MCMDC2: variants seen among roughly 807,000 people sequenced by gnomAD.
The protein encoded by MCMDC2 is minichromosome maintenance domain-containing protein 2.
MCMDC2 carries 54 observed loss-of-function variants against 75.8 expected under a neutral mutation model. That is an observed-to-expected ratio of 0.71 (90% CI 0.57 to 0.89). The LOEUF (loss-of-function observed/expected upper bound fraction) is 0.89. Ranked by LOEUF, MCMDC2 falls within the 40% of genes least tolerant of loss-of-function variation. The pLI is 0.00. For synonymous variants in MCMDC2, 249 were observed against 274.6 expected (o/e 0.91, Z 0.92); for missense variants, 656 against 780.4 (o/e 0.84, Z 1.90).
rs1585853579 is a variant in MCMDC2 at position 66,878,648 on chromosome 8, C to T, written c.556C>T (p.Leu186=). Residue 186 remains leucine (L), a synonymous_variant, in exon 6 of 15, where the codon CTA becomes TTA. Coordinates refer to ENST00000422365, the MANE Select transcript of MCMDC2 (RefSeq NM_173518.5). ...ATIRNDFLCN[L]CASSLQEDRK... ...GATAAGAAATGACTTTTTGTGTAAT[C>T]TATGTGCATCTTCACTTCAAGAAGA... 6.4e-7 allele frequency: 1 copy of T among 1,571,680 alleles called. No individual in the cohort carries two copies. Among genetic ancestry groups the T allele is most frequent in the Non-Finnish European group, 8.6e-7 (1 of 1,166,088 alleles).
In MCMDC2 at chr8:66,905,227, G is replaced by C. The variant is rs201352762; in HGVS notation, c.1771G>C (p.Val591Leu). 7.1e-7 allele frequency: 1 copy of C among 1,418,312 alleles called. No individual in the cohort carries two copies. The highest frequency in any genetic ancestry group is 1.8e-5 in the South Asian group (1 of 56,536). The allele number at this position is 1,418,312 out of a possible 1,614,324, so 87.9% of individuals were successfully genotyped here. A position where few individuals can be genotyped will look rare whatever the true frequency, so the allele number is the denominator to read the frequency against. ...TTTGGCAACTATTTTCTTTTTTAGCGTTTTCCTATCTGAAGCCCATGCACG... is the reference window on the plus strand; with the variant it reads ...TTTGGCAACTATTTTCTTTTTTAGCCTTTTCCTATCTGAAGCCCATGCACG... ...KLSASALKYL[V>L]FLSEAHARLN... is the part of the protein sequence containing the mutation. The change falls in exon 14 of 15, where the codon GTT (valine) becomes CTT (leucine). Residue 591 changes from valine (V) to leucine (L), a missense_variant and splice_region_variant. Physicochemically the swap from Val to Leu is conservative, Grantham distance 32. Coordinates refer to ENST00000422365, the MANE Select transcript of MCMDC2 (RefSeq NM_173518.5).
intron 11 of MCMDC2, 53 bp from the exon 12 acceptor site, chr8:66,896,726 AT>A: frequency 7.6e-7 from 1 of 1,316,212 alleles, no homozygotes; most frequent in African/African-American, 1.5e-5. Flanking sequence ...TTATTTCCAA[AT>A]TGTGAAAATT....
chr8:66,874,273 A>G (rs1585844764), intron 2 of MCMDC2, 39 bp downstream of exon 2: 5 of 1,603,656 alleles, frequency 3.1e-6, no homozygotes, highest in Non-Finnish European at 3.4e-6. Flanking sequence ...AAAACTTTCA[A>G]ATAAACTCCT....
intron 1 of MCMDC2, among the ~76,000 whole-genome samples, chr8:66,872,884 G>A (rs1482204915): frequency 6.6e-6 from 1 of 151,350 alleles, no homozygotes; most frequent in African/African-American, 2.4e-5. Flanking sequence ...TTTGAACCCA[G>A]GGGTGGAGAC....
At chr8:66,902,886 A>G (rs1812763631) in intron 13 of MCMDC2, among the ~76,000 whole-genome samples, 1 of 151,846 alleles carries the variant, frequency 6.6e-6, no homozygotes, top group East Asian at 1.9e-4. Context: ...TTGGGAGGCC[A>G]AGTTGGGTGG....
At chr8:66,892,376 T>C (rs1181555822) in intron 10 of MCMDC2, among the ~76,000 whole-genome samples, 1 of 152,186 alleles carries the variant, frequency 6.6e-6, no homozygotes, top group African/African-American at 2.4e-5. Flanking sequence ...GTCATGGCCC[T>C]TTTCACACCT....
At chr8:66,892,435 C>T (rs1311557665) in intron 10 of MCMDC2, among the ~76,000 whole-genome samples, 1 of 152,200 alleles carries the variant, frequency 6.6e-6, no homozygotes, top group East Asian at 1.9e-4. Context: ...GAAGAATTAG[C>T]TTATGTGGAC....
chr8:66,889,757 T>C (rs1277609396), intron 9 of MCMDC2, among the ~76,000 whole-genome samples: 10 of 152,130 alleles, frequency 6.6e-5, no homozygotes, highest in Admixed American at 3.3e-4. Context: ...GATTGCTCCA[T>C]TGCACTCCAG....
chr8:66,901,416 A>G, intron 13 of MCMDC2, 68 bp downstream of exon 13: 1 of 1,539,198 alleles, frequency 6.5e-7, no homozygotes. Flanking sequence ...TTAAATTGCT[A>G]ATTTACCTAT....
chr8:66,878,491 A>C, intron 5 of MCMDC2, 83 bp from the exon 6 acceptor site: 1 of 1,334,866 alleles, frequency 7.5e-7, no homozygotes, highest in Non-Finnish European at 1.0e-6. Flanking sequence ...TAAAATTAAA[A>C]ATTAAAAAAT....
chr8:66,886,158 C>CTTT (rs775562349), intron 9 of MCMDC2, among the ~76,000 whole-genome samples: 4 of 123,456 alleles, frequency 3.2e-5, no homozygotes, highest in African/African-American at 6.1e-5. Context: ...ATATGTATAA[C>CTTT]TTTTTTTTTT....
intron 13 of MCMDC2, among the ~76,000 whole-genome samples, chr8:66,904,133 G>A (rs1812812573): frequency 6.6e-6 from 1 of 152,042 alleles, no homozygotes. Context: ...TATATATCAA[G>A]AGCAACAAAA....
Position 66,921,153 on chromosome 8 carries a change from T to C in MCMDC2, c.*1984T>C, listed in dbSNP as rs1425946520. The C allele has an allele frequency of 1.3e-5, 2 of 152,160 alleles. No individual in the cohort carries two copies. The highest frequency in any genetic ancestry group is 2.9e-5 in the Non-Finnish European group (2 of 68,046). The allele number at this position is 152,160 out of a possible 1,614,324, so 9.4% of individuals were successfully genotyped here. On this transcript the variant is annotated 3_prime_UTR_variant, in exon 15 of 15. Coordinates refer to ENST00000422365, the MANE Select transcript of MCMDC2 (RefSeq NM_173518.5). Reference sequence around the variant, plus strand: ...AAAATTAAAATGTTTAAGTTTCTCATTAAAGAGTAGAAGTGTACATTCAGA... The same window carrying C: ...AAAATTAAAATGTTTAAGTTTCTCACTAAAGAGTAGAAGTGTACATTCAGA...
intron 10 of MCMDC2, among the ~76,000 whole-genome samples, chr8:66,892,623 G>A (rs891774405): frequency 1.3e-5 from 2 of 152,140 alleles, no homozygotes; most frequent in Non-Finnish European, 2.9e-5. Context: ...ATGCTGATTG[G>A]TCCATGGGTG....
intron 5 of MCMDC2, 73 bp downstream of exon 5, chr8:66,877,617 C>A: frequency 8.8e-7 from 1 of 1,136,614 alleles, no homozygotes; most frequent in Non-Finnish European, 1.2e-6. Context: ...GTAATCCCTG[C>A]ACTTTGGGAA....
intron 14 of MCMDC2, among the ~76,000 whole-genome samples, chr8:66,917,973 C>G (rs1220649449): frequency 1.3e-5 from 2 of 152,172 alleles, no homozygotes; most frequent in Non-Finnish European, 2.9e-5. Context: ...TTTTGATGAA[C>G]CGCCATCCTG....
chr8:66,902,712 ATATATATAT>A (rs1433377073), intron 13 of MCMDC2, among the ~76,000 whole-genome samples: 3 of 67,756 alleles, frequency 4.4e-5, no homozygotes, highest in African/African-American at 1.9e-4. Flanking sequence ...AAAAAAAAAA[ATATATATAT>A]ATATATATAT....
chr8:66,874,347 TC>T lies in MCMDC2; in HGVS notation c.117del (p.Tyr40IlefsTer6). ...YYNDSKQSYA[V>X]YRFKILINPS... ...ATAGATTCAAAACAAAGCTATGCTG[TC>T]TATCGATTCAAAATTTTAATAAATC... On this transcript the variant is annotated frameshift_variant, in exon 3 of 15. Transcript: ENST00000422365. LOFTEE classifies it high-confidence loss of function. 1 of 1,612,498 alleles carries T rather than the reference TC, an allele frequency of 6.2e-7. No individual in the cohort carries two copies. Among genetic ancestry groups the T allele is most frequent in the Non-Finnish European group, 8.5e-7 (1 of 1,179,540 alleles).
intron 14 of MCMDC2, among the ~76,000 whole-genome samples, chr8:66,913,821 G>C (rs918804943): frequency 2.0e-5 from 3 of 151,850 alleles, no homozygotes; most frequent in South Asian, 4.2e-4. Context: ...AAAATTAGCC[G>C]GGTGTGGTGG....
Sources: gnomAD v4.1 joint callset for allele counts (sites outside exome capture counted in the v4.1 genomes callset) on GRCh38, gnomAD v4.1.1 for gene constraint, MANE v1.5 for transcripts, NCBI Gene and HGNC (gene_info 2026-07-23, HGNC 2026-07-21) for gene names.